Variants in C10orf53 observed in about 807,000 individuals in gnomAD.
C10orf53 encodes the protein UPF0728 protein C10orf53.
Under a neutral mutation model 9.4 loss-of-function variants are expected in C10orf53, and 8 were observed. The ratio of observed to expected loss-of-function variants is 0.85; its 90% CI spans 0.50 to 1.53. C10orf53 has a LOEUF of 1.53. Ranked by LOEUF, C10orf53 falls within the 40% of genes most tolerant of loss-of-function variation. The pLI is 0.00. For missense variants in C10orf53, 117 were observed against 117.8 expected (o/e 0.99, Z 0.03); for synonymous variants, 48 against 46.0 (o/e 1.04, Z -0.18).
chr10:49,698,022 G>A (rs151187233), downstream of C10orf53, among the ~76,000 whole-genome samples: 15 of 152,276 alleles, frequency 9.9e-5, no homozygotes, highest in African/African-American at 3.4e-4. Flanking sequence ...TGGAGGCTGT[G>A]GCTCACACCT....
chr10:49,709,474 T>C (rs1463337363), exon 3 of C10orf53: 1 of 152,258 alleles, frequency 6.6e-6, no homozygotes, highest in Non-Finnish European at 1.5e-5. Context: ...GAGCCTCTCC[T>C]TGTGTCCCTG....
chr10:49,709,297 A>C (rs1430258291), exon 3 of C10orf53: 1 of 152,320 alleles, frequency 6.6e-6, no homozygotes, highest in Non-Finnish European at 1.5e-5. Context: ...TGGCAGCGGC[A>C]GCTACATCCA....
At chr10:49,685,327 G>A (rs1000404546) in intron 1 of C10orf53, among the ~76,000 whole-genome samples, 1 of 152,122 alleles carries the variant, frequency 6.6e-6, no homozygotes, top group Admixed American at 6.5e-5. Context: ...AATAGGCTTT[G>A]TATTAGATAA....
downstream of C10orf53, among the ~76,000 whole-genome samples, chr10:49,701,686 C>A (rs1261674126): frequency 6.6e-6 from 1 of 152,188 alleles, no homozygotes; most frequent in African/African-American, 2.4e-5. Context: ...TCCCTTCTCA[C>A]CTATCAGGCC....
intron 1 of C10orf53, 109 bp downstream of exon 1, chr10:49,679,903 C>A (rs1840463548): frequency 1.0e-6 from 1 of 1,002,102 alleles, no homozygotes. Context: ...CGCCACCTCT[C>A]CAGGAAGTCT....
intron 1 of C10orf53, 145 bp from the exon 2 acceptor site, chr10:49,693,629 C>A: frequency 2.0e-6 from 2 of 1,023,136 alleles, no homozygotes; most frequent in Non-Finnish European, 2.9e-6. Context: ...GGGCCAACAC[C>A]CAGAAAGTGC....
At chr10:49,703,370 G>A (rs188557763) in intron 2 of C10orf53, among the ~76,000 whole-genome samples, 26 of 152,230 alleles carry the variant, frequency 1.7e-4, no homozygotes, top group Admixed American at 4.6e-4. Context: ...ATGGGCCTTC[G>A]CAACACCCCC....
chr10:49,708,802 C>A, exon 3 of C10orf53: 1 of 758,422 alleles, frequency 1.3e-6, no homozygotes, highest in Non-Finnish European at 2.1e-6. Context: ...TTCTCCCCAG[C>A]TCTGAGTCTC....
At chr10:49,691,501 C>T (rs368219221) in intron 1 of C10orf53, among the ~76,000 whole-genome samples, 4 of 152,178 alleles carry the variant, frequency 2.6e-5, no homozygotes, top group South Asian at 2.1e-4. Context: ...TTTAAGAGCA[C>T]GAGAGCCTGT....
chr10:49,686,756 G>A (rs562948672), intron 1 of C10orf53, among the ~76,000 whole-genome samples: 2 of 152,284 alleles, frequency 1.3e-5, no homozygotes, highest in South Asian at 2.1e-4. Flanking sequence ...GTCTGCTCTC[G>A]AACCCTGTTT....
intron 1 of C10orf53, among the ~76,000 whole-genome samples, chr10:49,691,607 C>T (rs1840584693): frequency 6.6e-6 from 1 of 152,148 alleles, no homozygotes; most frequent in Non-Finnish European, 1.5e-5. Context: ...TGAGGTGGAC[C>T]CCCATTATTC....
chr10:49,706,824 T>C (rs1042017998), intron 2 of C10orf53, among the ~76,000 whole-genome samples: 2 of 152,252 alleles, frequency 1.3e-5, no homozygotes, highest in Non-Finnish European at 2.9e-5. Context: ...TTACATCTAT[T>C]GTATGTACTG....
intron 1 of C10orf53, among the ~76,000 whole-genome samples, chr10:49,690,644 A>G (rs1055603283): frequency 6.6e-6 from 1 of 152,216 alleles, no homozygotes; most frequent in Admixed American, 6.5e-5. Context: ...AAAAAGTTCT[A>G]AGTAATTTCC....
At chr10:49,686,413 A>T (rs191670083) in intron 1 of C10orf53, among the ~76,000 whole-genome samples, 3 of 152,316 alleles carry the variant, frequency 2.0e-5, no homozygotes, top group Admixed American at 2.0e-4. Context: ...GAACAGAATA[A>T]CAGTGATTTT....
chr10:49,698,110 G>A (rs776415477), downstream of C10orf53, among the ~76,000 whole-genome samples: 5 of 152,080 alleles, frequency 3.3e-5, no homozygotes, highest in Non-Finnish European at 7.3e-5. Context: ...GGGCAACACA[G>A]TGAGACCTCA....
At chr10:49,704,668 C>T (rs1319314019) in intron 2 of C10orf53, among the ~76,000 whole-genome samples, 1 of 152,164 alleles carries the variant, frequency 6.6e-6, no homozygotes, top group Non-Finnish European at 1.5e-5. Flanking sequence ...TGCTTGAACC[C>T]AGGAGGCAGA....
intron 2 of C10orf53, among the ~76,000 whole-genome samples, chr10:49,703,252 T>C (rs1840697478): frequency 6.6e-6 from 1 of 152,214 alleles, no homozygotes; most frequent in South Asian, 2.1e-4. Context: ...GACAAGGCAT[T>C]CAGCTACTTA....
intron 1 of C10orf53, among the ~76,000 whole-genome samples, chr10:49,689,569 A>G (rs548040666): frequency 9.5e-4 from 144 of 152,294 alleles, no homozygotes; most frequent in African/African-American, 3.3e-3. Context: ...CATGCTGTGA[A>G]TGTTTTCTAC....
intron 2 of C10orf53, among the ~76,000 whole-genome samples, chr10:49,704,918 C>T (rs541573004): frequency 6.6e-6 from 1 of 152,120 alleles, no homozygotes. Context: ...TTTATACCTC[C>T]CTAAAGGGAT....
Sources: gnomAD v4.1 joint callset for allele counts (sites outside exome capture counted in the v4.1 genomes callset) on GRCh38, gnomAD v4.1.1 for gene constraint, MANE v1.5 for transcripts, NCBI Gene and HGNC (gene_info 2026-07-23, HGNC 2026-07-21) for gene names.